SALL3: variants seen among roughly 807,000 people sequenced by gnomAD.
SALL3 encodes sal-like protein 3.
A neutral mutation model predicts 66.2 loss-of-function variants in SALL3; 25 were observed. The ratio of observed to expected loss-of-function variants is 0.38; its 90% CI spans 0.28 to 0.53. The LOEUF is 0.53. SALL3 is among the 20% of genes least tolerant of loss of function. SALL3 has a pLI of 0.85. For synonymous variants in SALL3, 1,152 were observed against 899.1 expected (o/e 1.28, Z -5.03); for missense variants, 2,194 against 1,916.5 (o/e 1.14, Z -2.70).
In SALL3 at chr18:78,993,611, C is replaced by T. The variant is rs776460731; in HGVS notation, c.1620C>T (p.Tyr540=). Residue 540 remains tyrosine (Y), a synonymous_variant, in exon 2 of 3, where the codon TAC becomes TAT. Coordinates refer to ENST00000537592, the MANE Select transcript of SALL3 (RefSeq NM_171999.4). ...CCACTGTCCCTGGCGCGCACGGCTA[C>T]GCCGACTCTCCCAGCGCCACCCCAG... ...LPPTVPGAHG[Y]ADSPSATPAS... is the part of the protein sequence containing the mutation. 137 of 1,584,960 alleles carry T rather than the reference C, an allele frequency of 8.6e-5. No individual in the cohort carries two copies. In the South Asian group the frequency reaches 1.2e-3, roughly 14 times the overall value.
In SALL3 at chr18:78,995,393, G is replaced by A. The variant is rs780742305; in HGVS notation, c.3402G>A (p.Thr1134=). ...SASALQIHER[T]HTGEKPFGCT... ...GCGCCCTGCAGATCCATGAGCGCAC[G>A]CACACCGGCGAGAAGCCGTTCGGCT... The change falls in exon 2 of 3, where the codon ACG becomes ACA. Residue 1134 remains threonine, a synonymous_variant. Transcript: ENST00000537592. The A allele has an allele frequency of 4.4e-6, 7 of 1,586,664 alleles. No individual in the cohort carries two copies. The highest frequency in any genetic ancestry group is 2.3e-5 in the East Asian group (1 of 44,408).
chr18:78,991,639 A>G, intron 1 of SALL3: 1 of 164,756 alleles, frequency 6.1e-6, no homozygotes, highest in Non-Finnish European at 1.3e-5. Flanking sequence ...GCCCCCTGTC[A>G]GGTGTTGATG....
Position 78,997,746 on chromosome 18 carries a change from G to T in SALL3, c.*424G>T, listed in dbSNP as rs1014632097. The T allele has an allele frequency of 1.6e-5, 3 of 187,386 alleles. No individual in the cohort carries two copies. The highest frequency in any genetic ancestry group is 7.0e-5 in the African/African-American group (3 of 42,672). 11.6% of individuals were successfully genotyped at this position (187,386 alleles called of 1,614,324 possible). A position where few individuals can be genotyped will look rare whatever the true frequency, so the allele number is the denominator to read the frequency against. On this transcript the variant is annotated 3_prime_UTR_variant, in exon 3 of 3. Transcript: ENST00000537592. ...TAGAACTCTTCATGTTAAAGACGTG[G>T]TTTAGTACTCCCAATGCTGTGTATC... is the stretch of plus-strand genomic sequence containing the variant.
rs557840249 is a variant in SALL3, at chr18:78,990,620, T to C, written c.83-1454T>C. ...AAATGTGGAGCTTTTTAGCAAATGC[T>C]GCATTTGTTGATGTTCTAACAGTAA... On this transcript the variant is annotated intron_variant, in intron 1 of 2. Coordinates refer to ENST00000537592, the MANE Select transcript of SALL3 (RefSeq NM_171999.4). Among the ~76,000 whole-genome samples the C allele has an allele frequency of 2.1e-3, 327 of 152,364 alleles. 1 individual carries two copies. The highest frequency in any genetic ancestry group is 3.1e-3 in the Non-Finnish European group (208 of 68,016).
At position 78,980,002 on chromosome 18, in the gene SALL3, C is replaced by T. The variant is rs1370095206; in HGVS notation, c.-273C>T. On this transcript the variant is annotated 5_prime_UTR_variant, in exon 1 of 3. Coordinates refer to ENST00000537592, the MANE Select transcript of SALL3 (RefSeq NM_171999.4). ...CGCGCGCCCCGGTCCCGAGGCGCCG[C>T]GGCCCCCTCCTCGTCGGCGCGGCCG... Among the ~76,000 whole-genome samples the T allele has an allele frequency of 1.3e-4, 19 of 145,772 alleles. No homozygotes were observed. The highest frequency in any genetic ancestry group is 1.2e-3 in the Admixed American group (17 of 14,736).
intron 1 of SALL3, among the ~76,000 whole-genome samples, chr18:78,983,211 A>G (rs930598579): frequency 2.0e-5 from 3 of 152,214 alleles, no homozygotes; most frequent in African/African-American, 7.2e-5. Flanking sequence ...TCTCATTCCT[A>G]TTTTAGAAGA....
Position 78,997,388 on chromosome 18 carries a change from C to A in SALL3, c.*66C>A, listed in dbSNP as rs1914735779. The A allele has an allele frequency of 6.8e-7, 1 of 1,480,816 alleles. No homozygotes were observed. The highest frequency in any genetic ancestry group is 1.8e-5 in the Admixed American group (1 of 55,944). 91.7% of individuals were successfully genotyped at this position (1,480,816 alleles called of 1,614,324 possible). ...GAAGTTGGAGCATCAGGCCTCCGAC[C>A]TTTCTTGCCTCGGTTCTCATTACAC... is the stretch of plus-strand genomic sequence containing the variant. On this transcript the variant is annotated 3_prime_UTR_variant, in exon 3 of 3. Coordinates refer to ENST00000537592, the MANE Select transcript of SALL3 (RefSeq NM_171999.4).
chr18:78,991,953 G>A (rs1043363922), intron 1 of SALL3, 121 bp from the exon 2 acceptor site: 30 of 770,192 alleles, frequency 3.9e-5, no homozygotes, highest in Non-Finnish European at 5.5e-5. Context: ...ACGCTGGGAC[G>A]TCAGAAATGT....
At position 78,997,174 on chromosome 18, in the gene SALL3, C is replaced by G. The variant is rs180936492; in HGVS notation, c.3755C>G (p.Pro1252Arg). Residue 1252 changes from proline to arginine, a missense_variant, in exon 3 of 3, where the codon CCT becomes CGT. Physicochemically the swap from Pro to Arg is moderately radical, Grantham distance 103. Coordinates refer to ENST00000537592, the MANE Select transcript of SALL3 (RefSeq NM_171999.4). ...PVSLGGSALP[P>R]LGSMASGMDK... ...AGTCTTGGGGGCAGCGCCCTCCCCCCTCTGGGCAGCATGGCCAGTGGGATG... is the reference window on the plus strand; with the variant it reads ...AGTCTTGGGGGCAGCGCCCTCCCCCGTCTGGGCAGCATGGCCAGTGGGATG... 3.1e-6 allele frequency: 5 copies of G among 1,614,052 alleles called. No homozygotes were observed. Among genetic ancestry groups the G allele is most frequent in the African/African-American group, 1.3e-5 (1 of 75,054 alleles).
rs759467365 is a variant in SALL3, at chr18:78,992,190, C to A, written c.199C>A (p.Leu67Met). Residue 67 changes from leucine (L) to methionine (M), a missense_variant, in exon 2 of 3, where the codon CTG becomes ATG. By Grantham distance (15) the Leu-to-Met change is conservative. Coordinates refer to ENST00000537592, the MANE Select transcript of SALL3 (RefSeq NM_171999.4). The stretch of plus-strand genomic sequence containing the variant: ...CGAGTTCTTCAAGTGGGCGGACTTC[C>A]TGGAGCACCAGCGGAGCTGCACCAA... ...CAEFFKWADF[L>M]EHQRSCTKLP... The A allele has an allele frequency of 1.9e-6, 3 of 1,610,502 alleles. No individual in the cohort carries two copies. In the East Asian group the frequency reaches 6.7e-5, roughly 36 times the overall value.
Position 78,994,196 on chromosome 18 carries a change from G to C in SALL3, c.2205G>C (p.Leu735=). 1 of 1,613,452 alleles carries C rather than the reference G, an allele frequency of 6.2e-7. No individual in the cohort carries two copies. Among genetic ancestry groups the C allele is most frequent in the Non-Finnish European group, 8.5e-7 (1 of 1,179,990 alleles). ...HFGVHRAKPP[L]RVQHSCPICQ... ...GCGTGCACCGTGCAAAGCCGCCCCTGCGCGTGCAGCACTCCTGCCCCATCT... is the reference window on the plus strand; with the variant it reads ...GCGTGCACCGTGCAAAGCCGCCCCTCCGCGTGCAGCACTCCTGCCCCATCT... The change falls in exon 2 of 3, where the codon CTG becomes CTC. Residue 735 remains leucine, a synonymous_variant. Coordinates refer to ENST00000537592, the MANE Select transcript of SALL3 (RefSeq NM_171999.4).
chr18:78,981,191 C>A (rs895852633), intron 1 of SALL3, among the ~76,000 whole-genome samples: 1 of 152,208 alleles, frequency 6.6e-6, no homozygotes, highest in African/African-American at 2.4e-5. Flanking sequence ...GCTGGACTTC[C>A]CAGAGTGGCG....
Position 78,993,938 on chromosome 18 carries a change from C to CG in SALL3, c.1953dup (p.Leu652AlafsTer147). ...AGCAGTTCAAGGCCCAGTTTCCGTT[C>CG]GGGGGGCTGCTAGACTCGATGCAAA... On this transcript the variant is annotated frameshift_variant, in exon 2 of 3. Coordinates refer to ENST00000537592, the MANE Select transcript of SALL3 (RefSeq NM_171999.4). LOFTEE classifies it high-confidence loss of function. 6.2e-7 allele frequency: 1 copy of CG among 1,608,780 alleles called. No individual in the cohort carries two copies. Among genetic ancestry groups the CG allele is most frequent in the East Asian group, 2.2e-5 (1 of 44,506 alleles).
chr18:78,992,412 G>T lies in SALL3; in HGVS notation c.421G>T (p.Asp141Tyr). 14 of 1,330,618 alleles carry T rather than the reference G, an allele frequency of 1.1e-5. No individual in the cohort carries two copies. Among genetic ancestry groups the T allele is most frequent in the Non-Finnish European group, 1.3e-5 (14 of 1,048,498 alleles). The allele number at this position is 1,330,618 out of a possible 1,614,324, so 82.4% of individuals were successfully genotyped here. The change falls in exon 2 of 3, where the codon GAC becomes TAC. Residue 141 changes from aspartate to tyrosine, a missense_variant. Transcript: ENST00000537592. ...AEPMDAEPAG[D>Y]TRAPRPPPAA... ...GCCCATGGACGCGGAACCCGCGGGGGACACGCGCGCGCCCCGGCCCCCGCC... is the reference window on the plus strand; with the variant it reads ...GCCCATGGACGCGGAACCCGCGGGGTACACGCGCGCGCCCCGGCCCCCGCC...
rs903771938 is a variant in SALL3 at position 78,993,660 on chromosome 18, T to A, written c.1669T>A (p.Ser557Thr). The change falls in exon 2 of 3, where the codon TCG (serine) becomes ACG (threonine). Residue 557 changes from serine (S) to threonine (T), a missense_variant. Transcript: ENST00000537592. ...TPASRSPQRP[S>T]PASSECASLS... ...AGCCAGCCGCTCCCCGCAGAGGCCCTCGCCCGCCTCCAGCGAGTGCGCCTC... is the reference window on the plus strand; with the variant it reads ...AGCCAGCCGCTCCCCGCAGAGGCCCACGCCCGCCTCCAGCGAGTGCGCCTC... 94 of 1,587,798 alleles carry A rather than the reference T, an allele frequency of 5.9e-5. No individual in the cohort carries two copies. The highest frequency in any genetic ancestry group is 7.2e-5 in the Non-Finnish European group (84 of 1,174,390).
intron 1 of SALL3, among the ~76,000 whole-genome samples, chr18:78,985,606 T>C (rs1259910033): frequency 1.3e-5 from 2 of 152,194 alleles, no homozygotes; most frequent in African/African-American, 4.8e-5. Flanking sequence ...TGCTGACAAA[T>C]GATGGAAATG....
At chr18:78,988,621 C>CCACA (rs1394698382) in intron 1 of SALL3, among the ~76,000 whole-genome samples, 1 of 152,184 alleles carries the variant, frequency 6.6e-6, no homozygotes, top group Admixed American at 6.5e-5. Flanking sequence ...TGTTTCAATT[C>CCACA]CACACGTGAG....
rs1262335750 is a variant in SALL3, at chr18:78,992,317, G to T, written c.326G>T (p.Ser109Ile). The T allele has an allele frequency of 2.7e-6, 4 of 1,483,968 alleles. No homozygotes were observed. In the South Asian group the frequency reaches 5.3e-5, roughly 20 times the overall value. The allele number at this position is 1,483,968 out of a possible 1,614,324, so 91.9% of individuals were successfully genotyped here. The change falls in exon 2 of 3, where the codon AGC becomes ATC. Residue 109 changes from serine to isoleucine, a missense_variant. Transcript: ENST00000537592. ...PASSPSERAE[S>I]EAAEEAGAEG... ...AGCTCCCCCAGCGAGCGCGCCGAAA[G>T]CGAGGCGGCCGAGGAGGCGGGTGCG...
chr18:78,982,807 C>T (rs925807763), intron 1 of SALL3, among the ~76,000 whole-genome samples: 2 of 152,110 alleles, frequency 1.3e-5, no homozygotes, highest in African/African-American at 2.4e-5. Context: ...TTGTATCACT[C>T]GGGGAGTGAC....
Sources: gnomAD v4.1 joint callset for allele counts (sites outside exome capture counted in the v4.1 genomes callset) on GRCh38, gnomAD v4.1.1 for gene constraint, MANE v1.5 for transcripts, NCBI Gene and HGNC (gene_info 2026-07-23, HGNC 2026-07-21) for gene names.